The following FBXO15 variants were observed in gnomAD, a reference collection of about 807,000 sequenced individuals.
The protein encoded by FBXO15 is F-box protein 15.
FBXO15 carries 30 observed loss-of-function variants against 49.5 expected under a neutral mutation model. That is an observed-to-expected ratio of 0.61 (90% CI 0.45 to 0.82). The LOEUF (loss-of-function observed/expected upper bound fraction) is 0.82, where lower values mean the gene tolerates loss of function less well. Ranked by LOEUF, FBXO15 falls within the 40% of genes least tolerant of loss-of-function variation. FBXO15 has a pLI of 0.00. For synonymous variants in FBXO15, 250 were observed against 232.7 expected, an observed-to-expected ratio of 1.07 and a Z score of -0.68; for missense variants, 591 against 631.5, an observed-to-expected ratio of 0.94 and a Z score of 0.69.
At position 74,107,457 on chromosome 18, in the gene FBXO15, A is replaced by T. The variant is rs1913818800; in HGVS notation, c.1138+15911T>A. Among the ~76,000 whole-genome samples the T allele has an allele frequency of 2.0e-5, 3 of 152,344 alleles. No homozygotes were observed. In the South Asian group the frequency reaches 6.2e-4, roughly 32 times the overall value. On this transcript the variant is annotated intron_variant, in intron 8 of 9. Coordinates refer to ENST00000419743, the MANE Select transcript of FBXO15 (RefSeq NM_001142958.2). ...AAGTCACCACTCCATCCTAACAAGTAAAAATCAAGTCTTGTTAGATCTATA... is the reference window on the plus strand; with the variant it reads ...AAGTCACCACTCCATCCTAACAAGTTAAAATCAAGTCTTGTTAGATCTATA...
At position 74,087,384 on chromosome 18, in the gene FBXO15, T is replaced by C. The variant is rs188621294; in HGVS notation, c.1139-5333A>G. On this transcript the variant is annotated intron_variant, in intron 8 of 9. Coordinates refer to ENST00000419743, the MANE Select transcript of FBXO15 (RefSeq NM_001142958.2). ...GGTAGTTTTTGGATCTTCACCTTCC[T>C]CCAACCCTCCACCCTCAAGTAGGAC... Among the ~76,000 whole-genome samples the C allele has an allele frequency of 5.3e-5, 8 of 152,344 alleles. No homozygotes were observed. In the East Asian group the frequency reaches 1.5e-3, roughly 29 times the overall value.
rs116302443 is a variant in FBXO15, at chr18:74,124,342, G to A, written c.995+147C>T. 753 of 634,340 alleles carry A rather than the reference G, an allele frequency of 1.2e-3. 2 individuals carry two copies. The African/African-American group carries it at 0.012, about 10-fold the overall frequency. The allele number at this position is 634,340 out of a possible 1,614,324, so 39.3% of individuals were successfully genotyped here. A position where few individuals can be genotyped will look rare whatever the true frequency, so the allele number is the denominator to read the frequency against. ...TCGTGAATAATCCAATTATTTTAGC[G>A]ACAGCTAATTGTGCCTGTTGGTTTG... On this transcript the variant is annotated intron_variant, in intron 7 of 9. Coordinates refer to ENST00000419743, the MANE Select transcript of FBXO15 (RefSeq NM_001142958.2).
At chr18:74,138,151 G>A (rs1213182951) in intron 2 of FBXO15, among the ~76,000 whole-genome samples, 4 of 151,946 alleles carry the variant, frequency 2.6e-5, no homozygotes, top group Non-Finnish European at 4.4e-5. Flanking sequence ...CTCTGGAGCC[G>A]CCACCTAATT....
chr18:74,088,747 A>G (rs1024589905), intron 8 of FBXO15, among the ~76,000 whole-genome samples: 2 of 152,120 alleles, frequency 1.3e-5, no homozygotes, highest in African/African-American at 2.4e-5. Flanking sequence ...GGAGAATGTC[A>G]TTGGTAGTTT....
chr18:74,139,686 A>G (rs1300617727), intron 2 of FBXO15, among the ~76,000 whole-genome samples: 1 of 152,258 alleles, frequency 6.6e-6, no homozygotes, highest in Non-Finnish European at 1.5e-5. Context: ...CATGAGGCTT[A>G]GCATATAATC....
intron 8 of FBXO15, among the ~76,000 whole-genome samples, chr18:74,110,433 G>A (rs773697031): frequency 4.4e-4 from 67 of 151,574 alleles, no homozygotes; most frequent in Admixed American, 7.9e-4. Context: ...AGACAAAATG[G>A]AATCATATAA....
At position 74,073,469 on chromosome 18, in the gene FBXO15, C is replaced by A; in HGVS notation, c.1525G>T (p.Glu509Ter). 1 of 1,612,418 alleles carries A rather than the reference C, an allele frequency of 6.2e-7. No homozygotes were observed. The highest frequency in any genetic ancestry group is 8.5e-7 in the Non-Finnish European group (1 of 1,179,072). The part of the protein sequence containing the change: ...IAKINHWFGT[E>*]Y ...TAATTTGCCACCTACTGCTAATATT[C>A]AGTCCCAAACCAATGGTTGATTTTT... Residue 509 changes from glutamate to a stop codon, truncating the protein, a stop_gained, in exon 10 of 10, where the codon GAA (glutamate) becomes TAA (stop). Coordinates refer to ENST00000419743, the MANE Select transcript of FBXO15 (RefSeq NM_001142958.2). LOFTEE classifies it high-confidence loss of function.
In FBXO15 at chr18:74,119,741, G is replaced by C. The variant is rs543825181; in HGVS notation, c.1138+3627C>G. On this transcript the variant is annotated intron_variant, in intron 8 of 9. Transcript: ENST00000419743. ...ACTCACTAAAGCTGCAGCGGAGCTA[G>C]AGTGGGGAGGACAGAAAAGGATAAG... 1.3e-3 allele frequency among the ~76,000 whole-genome samples: 196 copies of C among 152,326 alleles called. 1 individual carries two copies. The highest frequency in any genetic ancestry group is 4.5e-3 in the African/African-American group (185 of 41,570).
rs200346086 is a variant in FBXO15, at chr18:74,112,510, T to C, written c.1138+10858A>G. 9.9e-5 allele frequency among the ~76,000 whole-genome samples: 15 copies of C among 152,238 alleles called. No individual in the cohort carries two copies. In the East Asian group the frequency reaches 2.1e-3, roughly 22 times the overall value. On this transcript the variant is annotated intron_variant, in intron 8 of 9. Transcript: ENST00000419743. ...AAAACAGGAATACAGGGGAACTTTC[T>C]CAACTTAATAAAGAATAGCTACATC...
At chr18:74,078,731 C>T (rs1912365409) in intron 9 of FBXO15, 1 of 152,346 alleles carries the variant, frequency 6.6e-6, no homozygotes, top group Non-Finnish European at 1.5e-5. Flanking sequence ...AGGAGGCACA[C>T]ATCTGAGCAG....
chr18:74,115,376 C>T (rs1040655940), intron 8 of FBXO15, among the ~76,000 whole-genome samples: 1 of 152,092 alleles, frequency 6.6e-6, no homozygotes, highest in Non-Finnish European at 1.5e-5. Flanking sequence ...TAAATGGGTT[C>T]TTCTGGTTTG....
chr18:74,110,546 A>C (rs1304029581), intron 8 of FBXO15, among the ~76,000 whole-genome samples: 1 of 152,092 alleles, frequency 6.6e-6, no homozygotes, highest in Non-Finnish European at 1.5e-5. Context: ...TATGGTATAT[A>C]TCTCTCCAAC....
intron 6 of FBXO15, 147 bp downstream of exon 6, chr18:74,125,827 TG>T: frequency 9.0e-7 from 1 of 1,107,418 alleles, no homozygotes; most frequent in Non-Finnish European, 1.3e-6. Flanking sequence ...CATGTTAGCT[TG>T]AAAAAATGAA....
At chr18:74,147,472 T>G (rs1979508838) in intron 1 of FBXO15, 198 bp downstream of exon 1, 2 of 1,214,648 alleles carry the variant, frequency 1.6e-6, no homozygotes, top group Non-Finnish European at 2.1e-6. Context: ...GGCTACTCTA[T>G]TTGTGTCATA....
intron 1 of FBXO15, among the ~76,000 whole-genome samples, chr18:74,143,335 T>C (rs1358745002): frequency 1.3e-5 from 2 of 152,228 alleles, no homozygotes; most frequent in African/African-American, 2.4e-5. Context: ...ATTCATCTGA[T>C]GGATCAATTT....
At chr18:74,086,066 A>G (rs1044063010) in intron 8 of FBXO15, among the ~76,000 whole-genome samples, 3 of 152,202 alleles carry the variant, frequency 2.0e-5, no homozygotes, top group Non-Finnish European at 4.4e-5. Context: ...TTTCTAGGTA[A>G]TTACCACTCA....
intron 8 of FBXO15, chr18:74,097,444 C>G (rs951535129): frequency 7.9e-5 from 12 of 152,482 alleles, no homozygotes; most frequent in African/African-American, 2.9e-4. Context: ...TGAGATCAGC[C>G]TTTTAGGTTG....
chr18:74,082,409 T>C (rs1335700696), intron 8 of FBXO15, among the ~76,000 whole-genome samples: 4 of 152,110 alleles, frequency 2.6e-5, no homozygotes, highest in Non-Finnish European at 5.9e-5. Context: ...ATATCTAGAA[T>C]TACACAGCTG....
rs1413471868 is a variant in FBXO15 at position 74,135,744 on chromosome 18, A to C, written c.332+18T>G. The C allele has an allele frequency of 6.4e-7, 1 of 1,574,638 alleles. No individual in the cohort carries two copies. Among genetic ancestry groups the C allele is most frequent in the Non-Finnish European group, 8.6e-7 (1 of 1,161,960 alleles). On this transcript the variant is annotated intron_variant, in intron 3 of 9. Coordinates refer to ENST00000419743, the MANE Select transcript of FBXO15 (RefSeq NM_001142958.2). ...AAACTGTCATCAAAACATAACAGAG[A>C]CTTGGATTTCTGCTTACTTGTCATT...
Sources: allele counts gnomAD v4.1 joint callset (sites outside exome capture counted in the v4.1 genomes callset), GRCh38; gene constraint gnomAD v4.1.1; transcripts MANE v1.5; gene names NCBI Gene and HGNC (gene_info 2026-07-23, HGNC 2026-07-21).